The following JUP variants were observed in gnomAD, a reference collection of about 807,000 sequenced individuals.
The protein encoded by JUP is junction plakoglobin, also known as catenin (cadherin-associated protein), gamma 80kDa.
In JUP, 28 loss-of-function variants were observed where a neutral mutation model predicts 71.1. The observed-to-expected ratio is 0.39, with a 90% CI of 0.29 to 0.54. The LOEUF is 0.54. Among genes scored for constraint, JUP ranks in the 20% least tolerant of loss-of-function variants. The pLI is 0.62. For synonymous variants in JUP, 401 were observed against 438.9 expected, an observed-to-expected ratio of 0.91 and a Z score of 1.08; for missense variants, 869 against 1,030.1, an observed-to-expected ratio of 0.84 and a Z score of 2.14.
At chr17:41,773,305 C>T (rs149311777) in intron 1 of JUP, among the ~76,000 whole-genome samples, 1,705 of 152,310 alleles carry the variant, frequency 0.011, 23 homozygotes, top group African/African-American at 0.039. Context: ...GCCCCAGTGC[C>T]GCCCTGGCCC....
In JUP at chr17:41,755,724, C is replaced by T; in HGVS notation, c.*20G>A. On this transcript the variant is annotated 3_prime_UTR_variant, in exon 14 of 14. Transcript: ENST00000393931. Reference sequence around the variant, plus strand: ...GGAGGAAAAGCCTGCAAAGAGGGGGCCGTACTGGGGCCAGGCCGCCTAGGC... The same window carrying T: ...GGAGGAAAAGCCTGCAAAGAGGGGGTCGTACTGGGGCCAGGCCGCCTAGGC... 6.4e-7 allele frequency: 1 copy of T among 1,552,048 alleles called. No individual in the cohort carries two copies.
chr17:41,781,356 C>CAA (rs551922002), intron 1 of JUP, among the ~76,000 whole-genome samples: 1 of 120,362 alleles, frequency 8.3e-6, no homozygotes, highest in Non-Finnish European at 1.8e-5. Context: ...GACTCCATCT[C>CAA]AAAAAAAAAA....
chr17:41,785,361 A>G (rs2047401863), intron 1 of JUP, among the ~76,000 whole-genome samples: 1 of 152,006 alleles, frequency 6.6e-6, no homozygotes, highest in South Asian at 2.1e-4. Context: ...TTGAGAGACA[A>G]CCACTTACGC....
At chr17:41,775,862 T>G (rs1032865536) in intron 1 of JUP, 2 of 491,618 alleles carry the variant, frequency 4.1e-6, no homozygotes, top group Non-Finnish European at 5.3e-6. Context: ...TACCCTTCTT[T>G]CCTGCCTCCT....
chr17:41,758,856 C>A lies in JUP; in HGVS notation c.1512G>T (p.Leu504Phe), dbSNP rs781843321. ...CTGGGCACAGGGCCAGATTCCTGAT[C>A]AAGCCGATGGTTGCCTGGCAAAAAA... ...QWPLVKATIG[L>F]IRNLALCPAN... The change falls in exon 9 of 14, where the codon TTG (leucine) becomes TTT (phenylalanine). Residue 504 changes from leucine to phenylalanine, a missense_variant. By Grantham distance (22) the Leu-to-Phe change is conservative. Coordinates refer to ENST00000393931, the MANE Select transcript of JUP (RefSeq NM_002230.4). 6 of 1,607,098 alleles carry A rather than the reference C, an allele frequency of 3.7e-6. No homozygotes were observed. The African/African-American group carries it at 5.3e-5, about 14-fold the overall frequency.
At position 41,755,808 on chromosome 17, in the gene JUP, G is replaced by A; in HGVS notation, c.2174C>T (p.Pro725Leu). Reference protein sequence around the residue: ...EMHMDMDGDYPIDTYSDGLRP... With the variant: ...EMHMDMDGDYLIDTYSDGLRP... Reference sequence around the variant, plus strand: ...GAGGCCGTCGCTGTAGGTGTCGATGGGGTAGTCTCCATCCATGTCCATGTG... The same window carrying A: ...GAGGCCGTCGCTGTAGGTGTCGATGAGGTAGTCTCCATCCATGTCCATGTG... Residue 725 changes from proline (P) to leucine (L), a missense_variant, in exon 14 of 14, where the codon CCC (proline) becomes CTC (leucine). Pro to Leu is a moderately conservative substitution (Grantham distance 98). Coordinates refer to ENST00000393931, the MANE Select transcript of JUP (RefSeq NM_002230.4). 1 of 1,613,292 alleles carries A rather than the reference G, an allele frequency of 6.2e-7. No individual in the cohort carries two copies. Among genetic ancestry groups the A allele is most frequent in the Non-Finnish European group, 8.5e-7 (1 of 1,179,678 alleles).
chr17:41,768,575 G>T (rs573580784), intron 4 of JUP, among the ~76,000 whole-genome samples: 2 of 151,142 alleles, frequency 1.3e-5, no homozygotes, highest in Admixed American at 1.3e-4. Flanking sequence ...AAAAAAAAAA[G>T]AAATGAGGCC....
At position 41,771,752 on chromosome 17, in the gene JUP, G is replaced by T. The variant is rs782787073; in HGVS notation, c.103C>A (p.Pro35Thr). The T allele has an allele frequency of 6.2e-7, 1 of 1,614,132 alleles. No individual in the cohort carries two copies. The highest frequency in any genetic ancestry group is 8.5e-7 in the Non-Finnish European group (1 of 1,180,010). Residue 35 changes from proline to threonine, a missense_variant, in exon 2 of 14, where the codon CCC (proline) becomes ACC (threonine). Pro to Thr is a conservative substitution (Grantham distance 38). Coordinates refer to ENST00000393931, the MANE Select transcript of JUP (RefSeq NM_002230.4). ...ATGATGCCCTTGCTGCTGACGGAGG[G>T]CACGCAGGTGTTGGCGCCCGAGTGG... is the stretch of plus-strand genomic sequence containing the variant. The part of the protein sequence containing the change: ...GIHSGANTCV[P>T]SVSSKGIMEE...
chr17:41,767,696 G>A, intron 4 of JUP, 116 bp from the exon 5 acceptor site: 1 of 783,452 alleles, frequency 1.3e-6, no homozygotes, highest in South Asian at 1.6e-5. Context: ...CGCCCCTCTG[G>A]AAATATCCCT....
intron 1 of JUP, chr17:41,775,940 T>C (rs2046863318): frequency 1.0e-6 from 1 of 984,082 alleles, no homozygotes; most frequent in Admixed American, 6.2e-5. Context: ...TGGCAGAGTG[T>C]GGCCCAGCCC....
At chr17:41,769,354 C>A in intron 3 of JUP, 64 bp downstream of exon 3, 1 of 1,581,416 alleles carries the variant, frequency 6.3e-7, no homozygotes, top group African/African-American at 1.3e-5. Flanking sequence ...ATGTCCCTCC[C>A]CTGAGGACAT....
intron 1 of JUP, among the ~76,000 whole-genome samples, chr17:41,779,010 G>A (rs1170124377): frequency 6.6e-6 from 1 of 152,000 alleles, no homozygotes; most frequent in Non-Finnish European, 1.5e-5. Flanking sequence ...GCCAAGGCGG[G>A]TGGATCACAA....
intron 1 of JUP, among the ~76,000 whole-genome samples, chr17:41,783,073 G>A (rs2047249346): frequency 1.3e-5 from 2 of 150,318 alleles, no homozygotes; most frequent in South Asian, 4.2e-4. Flanking sequence ...CTCCAGCCTG[G>A]GTGGCAGAGC....
chr17:41,766,432 T>C lies in JUP; in HGVS notation c.909+947A>G, dbSNP rs76708116. 9.2e-3 allele frequency among the ~76,000 whole-genome samples: 1,399 copies of C among 152,128 alleles called. 18 individuals carry two copies. Among genetic ancestry groups the C allele is most frequent in the African/African-American group, 0.033 (1,352 of 41,492 alleles). On this transcript the variant is annotated intron_variant, in intron 5 of 13. Coordinates refer to ENST00000393931, the MANE Select transcript of JUP (RefSeq NM_002230.4). ...AGCAAAAAAAAATTTTTTTTAAACA[T>C]CATACAGGCCAGGCACAGTGGCTCA...
chr17:41,766,911 G>A (rs1555604283), intron 5 of JUP, among the ~76,000 whole-genome samples: 1 of 151,820 alleles, frequency 6.6e-6, no homozygotes, highest in Non-Finnish European at 1.5e-5. Flanking sequence ...GTCGGGCGTG[G>A]TAGCACACGC....
chr17:41,762,279 T>C (rs1915026272), intron 8 of JUP, among the ~76,000 whole-genome samples: 1 of 151,134 alleles, frequency 6.6e-6, no homozygotes, highest in African/African-American at 2.4e-5. Flanking sequence ...CTCACTATGT[T>C]ACCCACGATG....
intron 8 of JUP, 22 bp downstream of exon 8, chr17:41,762,961 T>C (rs782195846): frequency 6.2e-7 from 1 of 1,609,296 alleles, no homozygotes; most frequent in Non-Finnish European, 8.5e-7. Flanking sequence ...GGGAGCTCCT[T>C]CCCCTCGCCT....
Position 41,757,516 on chromosome 17 carries a change from G to C in JUP, c.1945C>G (p.Leu649Val). ...EGTATYAAAV[L>V]FRISEDKNPD... The stretch of plus-strand genomic sequence containing the variant: ...TTCTTGTCCTCGGAGATGCGGAACA[G>C]GACGGCAGCAGCGTAGGTGGCTGAG... Residue 649 changes from leucine (L) to valine (V), a missense_variant, in exon 12 of 14, where the codon CTG becomes GTG. Transcript: ENST00000393931. The C allele has an allele frequency of 6.2e-7, 1 of 1,614,216 alleles. No homozygotes were observed. Among genetic ancestry groups the C allele is most frequent in the Non-Finnish European group, 8.5e-7 (1 of 1,180,044 alleles).
chr17:41,756,351 G>GAGTGCTGGGATTA, intron 12 of JUP, 137 bp from the exon 13 acceptor site: 1 of 819,434 alleles, frequency 1.2e-6, no homozygotes, highest in Non-Finnish European at 2.1e-6. Flanking sequence ...TGTAATCCCA[G>GAGTGCTGGGATTA]CACTCTGGGA....
Sources: allele counts gnomAD v4.1 joint callset (sites outside exome capture counted in the v4.1 genomes callset), GRCh38; gene constraint gnomAD v4.1.1; transcripts MANE v1.5; gene names NCBI Gene and HGNC (gene_info 2026-07-23, HGNC 2026-07-21).